The following PLPP4 variants were observed in gnomAD, a reference collection of about 807,000 sequenced individuals.
The protein encoded by PLPP4 is phospholipid phosphatase 4, also known as diacylglycerol pyrophosphate like 2.
In PLPP4, 20 loss-of-function variants were observed where a neutral mutation model predicts 32.2. That is an observed-to-expected ratio of 0.62 (90% CI 0.44 to 0.90). PLPP4 has a LOEUF of 0.90. Ranked by LOEUF, PLPP4 falls within the 40% of genes least tolerant of loss-of-function variation. The probability of loss-of-function intolerance (pLI) is 0.00; values close to 1 mark genes in which losing one functional copy is unlikely to be tolerated. For synonymous variants in PLPP4, 127 were observed against 133.0 expected (o/e 0.95, Z 0.31); for missense variants, 257 against 353.1 (o/e 0.73, Z 2.18).
At chr10:120,560,173 G>A (rs4752437) in intron 5 of PLPP4, among the ~76,000 whole-genome samples, 7,539 of 152,228 alleles carry the variant, frequency 0.05, 280 homozygotes, top group Non-Finnish European at 0.073. Flanking sequence ...CTTATGAAGT[G>A]TCACTAGTGA....
intron 2 of PLPP4, among the ~76,000 whole-genome samples, chr10:120,513,086 G>T (rs2133889545): frequency 6.6e-6 from 1 of 152,300 alleles, no homozygotes; most frequent in Non-Finnish European, 1.5e-5. Flanking sequence ...TATATGGTTG[G>T]TGGAAGGTTT....
chr10:120,515,116 T>C (rs1320621113), intron 3 of PLPP4, among the ~76,000 whole-genome samples: 3 of 152,146 alleles, frequency 2.0e-5, no homozygotes, highest in Admixed American at 1.3e-4. Context: ...CCTTATCTAC[T>C]TGAAACGAAC....
At chr10:120,565,313 GTGGT>G (rs1564843539) in intron 5 of PLPP4, among the ~76,000 whole-genome samples, 2 of 109,098 alleles carry the variant, frequency 1.8e-5, no homozygotes, top group African/African-American at 7.1e-5. Flanking sequence ...ATTTGTTTGT[GTGGT>G]GTGTGTGTGT....
intron 3 of PLPP4, among the ~76,000 whole-genome samples, chr10:120,515,617 G>T (rs997447858): frequency 1.2e-4 from 18 of 152,178 alleles, no homozygotes; most frequent in Admixed American, 3.3e-4. Context: ...GTGTGGCTTG[G>T]ACTTTTGGTC....
intron 1 of PLPP4, among the ~76,000 whole-genome samples, chr10:120,496,202 A>G (rs1231341211): frequency 1.3e-5 from 2 of 152,220 alleles, no homozygotes; most frequent in African/African-American, 4.8e-5. Context: ...GGCTAAGGGC[A>G]TTGGCAAATC....
intron 1 of PLPP4, among the ~76,000 whole-genome samples, chr10:120,477,348 A>C (rs1356141325): frequency 6.6e-6 from 1 of 150,390 alleles, no homozygotes; most frequent in Non-Finnish European, 1.5e-5. Flanking sequence ...ATGTCGAATA[A>C]TTGTAATTAT....
intron 1 of PLPP4, among the ~76,000 whole-genome samples, chr10:120,458,833 C>T (rs1473237337): frequency 1.3e-5 from 2 of 152,152 alleles, no homozygotes; most frequent in Non-Finnish European, 2.9e-5. Flanking sequence ...GGCAGATGGG[C>T]TAAAACCTCA....
At chr10:120,481,232 A>G (rs1294438262) in intron 1 of PLPP4, among the ~76,000 whole-genome samples, 1 of 152,178 alleles carries the variant, frequency 6.6e-6, no homozygotes, top group Non-Finnish European at 1.5e-5. Context: ...TGTGCTATGG[A>G]AAGCACATGG....
At chr10:120,485,299 C>T (rs1417351005) in intron 1 of PLPP4, among the ~76,000 whole-genome samples, 1 of 152,246 alleles carries the variant, frequency 6.6e-6, no homozygotes, top group Non-Finnish European at 1.5e-5. Context: ...GTGCCTGGCA[C>T]AGGCTTTAAG....
intron 1 of PLPP4, chr10:120,503,470 T>G (rs973633224): frequency 6.9e-7 from 1 of 1,453,480 alleles, no homozygotes; most frequent in Non-Finnish European, 9.4e-7. Context: ...CATTTTGTTT[T>G]CAAGAGACCA....
At chr10:120,582,197 C>A (rs1331762381) in intron 6 of PLPP4, among the ~76,000 whole-genome samples, 1 of 152,170 alleles carries the variant, frequency 6.6e-6, no homozygotes, top group Non-Finnish European at 1.5e-5. Context: ...ATTGTCTCAC[C>A]GTTCTGGAGG....
At chr10:120,569,112 A>G (rs1848815544) in intron 5 of PLPP4, among the ~76,000 whole-genome samples, 2 of 151,980 alleles carry the variant, frequency 1.3e-5, no homozygotes, top group African/African-American at 4.8e-5. Flanking sequence ...GGTGATGGGC[A>G]CCTGCAATCC....
In PLPP4 at chr10:120,477,379, A is replaced by C. The variant is rs560384305; in HGVS notation, c.56+20018A>C. Among the ~76,000 whole-genome samples the C allele has an allele frequency of 2.9e-3, 446 of 151,990 alleles. 1 individual carries two copies. The highest frequency in any genetic ancestry group is 5.2e-3 in the Non-Finnish European group (356 of 67,930). ...ATTATTTCAAGTTAAAAAAAAAAAA[A>C]AACAGAAGAAAAGAACTTTGTGAAA... On this transcript the variant is annotated intron_variant, in intron 1 of 6. Transcript: ENST00000398250.
At chr10:120,559,445 T>C (rs1848319296) in intron 5 of PLPP4, among the ~76,000 whole-genome samples, 1 of 152,144 alleles carries the variant, frequency 6.6e-6, no homozygotes, top group South Asian at 2.1e-4. Context: ...AGTTAAAATA[T>C]ACAGAGAAGC....
chr10:120,456,969 C>A (rs1012491320), upstream of PLPP4: 1 of 154,694 alleles, frequency 6.5e-6, no homozygotes, highest in South Asian at 1.8e-4. This position sits in a 1 kb window ranked among gnomAD's most constrained non-coding sequence, Gnocchi z 4.1. Context: ...TTCCCCTCCC[C>A]GGTCCGCGGG....
intron 5 of PLPP4, among the ~76,000 whole-genome samples, chr10:120,552,738 CACAA>C (rs1254336608): frequency 2.6e-5 from 4 of 152,186 alleles, no homozygotes; most frequent in Non-Finnish European, 5.9e-5. Flanking sequence ...CCCTACAGAA[CACAA>C]ACTAACTTTC....
rs979469712 is a variant in PLPP4 at position 120,507,745 on chromosome 10, G to A, written c.165+3819G>A. On this transcript the variant is annotated intron_variant, in intron 2 of 6. Transcript: ENST00000398250. The stretch of plus-strand genomic sequence containing the variant: ...AGGAGTTTGTTTGGAGTATCTATGC[G>A]TAAGGGCTAAGAAAGGGGGCAGGGA... Among the ~76,000 whole-genome samples, 6 of 152,176 alleles carry A rather than the reference G, an allele frequency of 3.9e-5. No individual in the cohort carries two copies. The South Asian group carries it at 6.2e-4, about 16-fold the overall frequency.
chr10:120,465,043 C>T (rs1353332905), intron 1 of PLPP4, among the ~76,000 whole-genome samples: 12 of 152,190 alleles, frequency 7.9e-5, no homozygotes, highest in Non-Finnish European at 5.9e-5. Flanking sequence ...GGTTTCATAA[C>T]TTGTGGATAA....
chr10:120,503,574 C>T (rs1437847083), intron 1 of PLPP4: 1 of 1,608,928 alleles, frequency 6.2e-7, no homozygotes, highest in South Asian at 1.1e-5. Context: ...CAAAGCTACT[C>T]CCTTATGCAT....
Sources: allele counts gnomAD v4.1 joint callset (sites outside exome capture counted in the v4.1 genomes callset), GRCh38; gene constraint gnomAD v4.1.1; non-coding constraint Gnocchi (gnomAD v3.1); transcripts MANE v1.5; gene names NCBI Gene and HGNC (gene_info 2026-07-23, HGNC 2026-07-21).